NPAT: variants seen among roughly 807,000 people sequenced by gnomAD.
NPAT encodes the protein nuclear protein, coactivator of histone transcription.
NPAT carries 52 observed loss-of-function variants against 130.7 expected under a neutral mutation model. The ratio of observed to expected loss-of-function variants is 0.40; its 90% confidence interval spans 0.32 to 0.50. NPAT has a LOEUF of 0.50. NPAT is among the 20% of genes least tolerant of loss of function. The probability of loss-of-function intolerance (pLI) is 0.68; values close to 1 mark genes in which losing one functional copy is unlikely to be tolerated. For missense variants in NPAT, 1,687 were observed against 1,662.6 expected, an observed-to-expected ratio of 1.01 and a Z score of -0.26; for synonymous variants, 580 against 584.8, an observed-to-expected ratio of 0.99 and a Z score of 0.12.
In NPAT at chr11:108,173,028, C is replaced by T; in HGVS notation, c.1956G>A (p.Gln652=). Residue 652 remains glutamine, a synonymous_variant, in exon 13 of 18, where the codon CAG becomes CAA. Transcript: ENST00000278612. ...CCTGTGAATTCTCAGACTTGGATGC[C>T]TGAGCTTCATTTTCTGTATGATTTA... ...VELNHTENEA[Q]ASKSENSQEP... is the part of the protein sequence containing the mutation. The T allele has an allele frequency of 1.9e-6, 3 of 1,613,988 alleles. No individual in the cohort carries two copies. Among genetic ancestry groups the T allele is most frequent in the Non-Finnish European group, 2.5e-6 (3 of 1,179,988 alleles).
rs764550135 is a variant in NPAT, at chr11:108,169,991, T to A, written c.2838A>T (p.Val946=). 16 of 1,613,846 alleles carry A rather than the reference T, an allele frequency of 9.9e-6. No individual in the cohort carries two copies. Among genetic ancestry groups the A allele is most frequent in the Non-Finnish European group, 1.3e-5 (15 of 1,179,866 alleles). The change falls in exon 14 of 18, where the codon GTA becomes GTT. Residue 946 remains valine, a synonymous_variant. Transcript: ENST00000278612. ...CAACCACAGATACTGGGATCATCCC[T>A]ACCATTCCTTGGAGTACAGGCTGGA... The part of the protein sequence containing the change: ...SPVQPVLQGM[V]GMIPVSVVGQ...
rs978211913 is a variant in NPAT at position 108,162,225 on chromosome 11, C to G, written c.3011-45G>C. 2.0e-6 allele frequency: 3 copies of G among 1,533,438 alleles called. No individual in the cohort carries two copies. In the African/African-American group the frequency reaches 4.1e-5, roughly 21 times the overall value. The allele number at this position is 1,533,438 out of a possible 1,614,324, so 95.0% of individuals were successfully genotyped here. Reference sequence around the variant, plus strand: ...TTCCTGAGAAAAAGAATATACTCCTCTGAAAGAGGATAGAACAGATGACAA... The same window carrying G: ...TTCCTGAGAAAAAGAATATACTCCTGTGAAAGAGGATAGAACAGATGACAA... On this transcript the variant is annotated intron_variant, in intron 15 of 17. Coordinates refer to ENST00000278612, the MANE Select transcript of NPAT (RefSeq NM_002519.3).
rs775333918 is a variant in NPAT, at chr11:108,172,763, T to C, written c.2221A>G (p.Lys741Glu). The change falls in exon 13 of 18, where the codon AAA (lysine) becomes GAA (glutamate). Residue 741 changes from lysine (K) to glutamate (E), a missense_variant. Physicochemically the swap from Lys to Glu is moderately conservative, Grantham distance 56. Coordinates refer to ENST00000278612, the MANE Select transcript of NPAT (RefSeq NM_002519.3). ...AATGGATCATCACTAATGATAACTT[T>C]GAGAGAGACGATATTTGATGCATCT... is the stretch of plus-strand genomic sequence containing the variant. ...EIDASNIVSL[K>E]VIISDDPFVS... is the part of the protein sequence containing the mutation. 3.1e-6 allele frequency: 5 copies of C among 1,613,650 alleles called. No individual in the cohort carries two copies. Among genetic ancestry groups the C allele is most frequent in the Non-Finnish European group, 4.2e-6 (5 of 1,180,018 alleles).
chr11:108,173,334 A>T lies in NPAT; in HGVS notation c.1650T>A (p.Phe550Leu). The change falls in exon 13 of 18, where the codon TTT becomes TTA. Residue 550 changes from phenylalanine (F) to leucine (L), a missense_variant. Transcript: ENST00000278612. The part of the protein sequence containing the change: ...LTGKPSKKSQ[F>L]CENSNDTVKL... ...TTACTGTATCATTAGAATTTTCACA[A>T]AATTGACTTTTTTTAGATGGCTTTC... The T allele has an allele frequency of 6.2e-7, 1 of 1,613,118 alleles. No homozygotes were observed.
At chr11:108,193,883 A>G (rs1221687387) in intron 3 of NPAT, 74 bp downstream of exon 3, 61 of 937,776 alleles carry the variant, frequency 6.5e-5, no homozygotes, top group Non-Finnish European at 1.0e-4. Context: ...TAACCTTTAG[A>G]AATCATTTTT....
chr11:108,177,003 A>G lies in NPAT; in HGVS notation c.994T>C (p.Phe332Leu). The G allele has an allele frequency of 6.3e-7, 1 of 1,597,690 alleles. No homozygotes were observed. Among genetic ancestry groups the G allele is most frequent in the Non-Finnish European group, 8.6e-7 (1 of 1,165,200 alleles). ...TAAATAGTCTCCTTACCATAGTCAA[A>G]GAGATCAAAGAGTGCCTGAAATGCT... ...DPAFQALFDL[F>L]DYGKTKNNKN... Residue 332 changes from phenylalanine (F) to leucine (L), a missense_variant, in exon 11 of 18, where the codon TTT becomes CTT. By Grantham distance (22) the Phe-to-Leu change is conservative. Around this residue, in one of 3 missense-constraint regions of NPAT, gnomAD observed 1,379 missense variants for 1,346.6 expected, o/e 1.02. Transcript: ENST00000278612.
chr11:108,192,724 G>C (rs1472100875), intron 3 of NPAT, among the ~76,000 whole-genome samples: 1 of 152,156 alleles, frequency 6.6e-6, no homozygotes, highest in Non-Finnish European at 1.5e-5. Flanking sequence ...GGGAGGCTGA[G>C]GTGGGCAGAT....
intron 2 of NPAT, among the ~76,000 whole-genome samples, chr11:108,196,427 T>C (rs552503050): frequency 6.6e-6 from 1 of 152,366 alleles, no homozygotes; most frequent in South Asian, 2.1e-4. Flanking sequence ...CTATTCTAGT[T>C]TCTTTTCCAT....
chr11:108,221,900 G>T (rs972737073), intron 1 of NPAT, among the ~76,000 whole-genome samples: 1 of 152,202 alleles, frequency 6.6e-6, no homozygotes, highest in South Asian at 2.1e-4. Context: ...TTAACCCTCT[G>T]AAATTTTTCG....
At chr11:108,202,263 C>T (rs977237200) in intron 1 of NPAT, among the ~76,000 whole-genome samples, 1 of 152,048 alleles carries the variant, frequency 6.6e-6, no homozygotes, top group Non-Finnish European at 1.5e-5. Flanking sequence ...TGGGAAGTGG[C>T]AATATTACAT....
intron 1 of NPAT, among the ~76,000 whole-genome samples, chr11:108,204,127 T>C (rs1259714205): frequency 6.6e-6 from 1 of 152,186 alleles, no homozygotes; most frequent in Non-Finnish European, 1.5e-5. Flanking sequence ...CAGTTAGATG[T>C]ACTTCTTCAG....
At chr11:108,180,385 C>T (rs1850730) in intron 10 of NPAT, among the ~76,000 whole-genome samples, 82,063 of 151,982 alleles carry the variant, frequency 0.54, 22,695 homozygotes, top group Middle Eastern at 0.75. Context: ...AACAAAAAAC[C>T]TGATTGAACA....
In NPAT at chr11:108,161,863, T is replaced by G; in HGVS notation, c.3223A>C (p.Asn1075His). The change falls in exon 17 of 18, where the codon AAT (asparagine) becomes CAT (histidine). Residue 1075 changes from asparagine to histidine, a missense_variant. Asn to His is a moderately conservative substitution (Grantham distance 68, BLOSUM62 1). Coordinates refer to ENST00000278612, the MANE Select transcript of NPAT (RefSeq NM_002519.3). ...ATCTTATGGTTTGGCCCCTGCGTAT[T>G]TGCCACAGGAGCAGTAGTGCTGTCG... ...CFDSTTAPVA[N>H]TQGPNHKMVS... 2 of 1,614,144 alleles carry G rather than the reference T, an allele frequency of 1.2e-6. No homozygotes were observed. The highest frequency in any genetic ancestry group is 1.7e-6 in the Non-Finnish European group (2 of 1,180,028).
At chr11:108,194,154 A>G in intron 2 of NPAT, 137 bp from the exon 3 acceptor site, 1 of 611,324 alleles carries the variant, frequency 1.6e-6, no homozygotes. Context: ...AGAAGCAGGT[A>G]ATCGAAAATG....
In NPAT at chr11:108,172,233, A is replaced by G. The variant is rs763389047; in HGVS notation, c.2751T>C (p.Ala917=). Residue 917 remains alanine, a synonymous_variant, in exon 13 of 18, where the codon GCT becomes GCC. Transcript: ENST00000278612. ...AGTTTGGTGACACAGCTTGGTTGAC[A>G]GCAAATACACTGTTTGACCTTGGTG... The part of the protein sequence containing the change: ...QTPPRSNSVF[A]VNQAVSPNFS... 9 of 1,614,118 alleles carry G rather than the reference A, an allele frequency of 5.6e-6. No individual in the cohort carries two copies. The South Asian group carries it at 8.8e-5, about 16-fold the overall frequency.
intron 17 of NPAT, among the ~76,000 whole-genome samples, chr11:108,159,342 C>T (rs2077824104): frequency 6.6e-6 from 1 of 152,128 alleles, no homozygotes; most frequent in Non-Finnish European, 1.5e-5. Flanking sequence ...GCTTTACTAA[C>T]AGATGTTTAG....
chr11:108,211,989 C>T (rs940808559), intron 1 of NPAT, among the ~76,000 whole-genome samples: 5 of 150,114 alleles, frequency 3.3e-5, no homozygotes, highest in Admixed American at 6.6e-5. Flanking sequence ...ACCAAAGAAA[C>T]CAAAAAAAAC....
chr11:108,192,691 C>T (rs551259656), intron 3 of NPAT, among the ~76,000 whole-genome samples: 1 of 152,208 alleles, frequency 6.6e-6, no homozygotes, highest in Non-Finnish European at 1.5e-5. Flanking sequence ...CATGGTGGCT[C>T]ACGCCTGTAA....
At chr11:108,174,836 C>A (rs1333900914) in intron 12 of NPAT, among the ~76,000 whole-genome samples, 1 of 151,922 alleles carries the variant, frequency 6.6e-6, no homozygotes, top group Admixed American at 6.6e-5. Context: ...CTAGGCTGGT[C>A]CTGAACTCCT....
Sources: allele counts gnomAD v4.1 joint callset (sites outside exome capture counted in the v4.1 genomes callset), GRCh38; gene constraint gnomAD v4.1.1; regional missense constraint gnomAD v4.1.1; transcripts MANE v1.5; gene names NCBI Gene and HGNC (gene_info 2026-07-23, HGNC 2026-07-21).